Variants in ARHGAP29 observed in about 807,000 individuals in gnomAD.
ARHGAP29 encodes the protein Rho GTPase activating protein 29.
A neutral mutation model predicts 122.6 loss-of-function variants in ARHGAP29; 43 were observed. The observed-to-expected ratio is 0.35, with a 90% confidence interval of 0.27 to 0.45. The LOEUF (loss-of-function observed/expected upper bound fraction) is 0.45. Ranked by LOEUF, ARHGAP29 falls within the 20% of genes least tolerant of loss-of-function variation. ARHGAP29 has a pLI of 1.00. For synonymous variants in ARHGAP29, 506 were observed against 497.1 expected (o/e 1.02, Z -0.24); for missense variants, 1,303 against 1,477.2 (o/e 0.88, Z 1.93).
In ARHGAP29 at chr1:94,174,161, G is replaced by A. The variant is rs190842488; in HGVS notation, c.3494C>T (p.Thr1165Ile). The A allele has an allele frequency of 2.5e-6, 4 of 1,614,156 alleles. No individual in the cohort carries two copies. The Admixed American group carries it at 6.7e-5, about 27-fold the overall frequency. The change falls in exon 23 of 23, where the codon ACA (threonine) becomes ATA (isoleucine). Residue 1165 changes from threonine (T) to isoleucine (I), a missense_variant. This residue lies in a region of ARHGAP29 where 620 missense variants were observed against 651.2 expected (regional missense o/e 0.95). Coordinates refer to ENST00000260526, the MANE Select transcript of ARHGAP29 (RefSeq NM_004815.4). ...PRTLQPQHWTTFYKPHAPIIS... is the reference protein window; with the variant it reads ...PRTLQPQHWTIFYKPHAPIIS... ...GATGGGAGCATGTGGTTTATAAAAT[G>A]TTGTCCAATGTTGAGGCTGCAGTGT...
chr1:94,180,401 ATTT>A (rs1649379080), intron 19 of ARHGAP29, among the ~76,000 whole-genome samples: 1 of 152,234 alleles, frequency 6.6e-6, no homozygotes, highest in South Asian at 2.1e-4. Flanking sequence ...CACTGTTAAC[ATTT>A]TATTTATCTA....
At chr1:94,196,949 A>G (rs1472732327) in intron 12 of ARHGAP29, among the ~76,000 whole-genome samples, 3 of 152,218 alleles carry the variant, frequency 2.0e-5, no homozygotes, top group African/African-American at 7.2e-5. Flanking sequence ...CTCAATAAAC[A>G]ACATAAGCTT....
intron 12 of ARHGAP29, chr1:94,192,056 A>G (rs1316459574): frequency 6.6e-6 from 1 of 152,206 alleles, no homozygotes; most frequent in Non-Finnish European, 1.5e-5. Context: ...CCTGGATTTT[A>G]TAATTCTTTT....
chr1:94,285,873 CAAAAAAAAAAAA>C, the ARHGAP29 span, among the ~76,000 whole-genome samples: 1 of 72,640 alleles, frequency 1.4e-5, no homozygotes, highest in Non-Finnish European at 2.9e-5. Context: ...GACTCTGTCT[CAAAAAAAAAAAA>C]AAAAAGAAAA....
chr1:94,251,575 A>G (rs908277392), intron 1 of ARHGAP29, among the ~76,000 whole-genome samples: 3 of 152,102 alleles, frequency 2.0e-5, no homozygotes, highest in Admixed American at 6.5e-5. Flanking sequence ...ATATTAGGAA[A>G]TGACTCCTCT....
At chr1:94,286,549 T>C in the ARHGAP29 span, among the ~76,000 whole-genome samples, 27 of 152,054 alleles carry the variant, frequency 1.8e-4, no homozygotes, top group Non-Finnish European at 2.4e-4. Context: ...ACAACTGTAG[T>C]CCCAGCTACT....
chr1:94,285,574 G>A, the ARHGAP29 span, among the ~76,000 whole-genome samples: 7 of 152,210 alleles, frequency 4.6e-5, 1 homozygote, highest in South Asian at 1.0e-3. Context: ...ACATGAAGAA[G>A]GAGAGGGAAT....
intron 1 of ARHGAP29, among the ~76,000 whole-genome samples, chr1:94,251,171 ATTT>A (rs531839914): frequency 3.7e-5 from 5 of 134,194 alleles, no homozygotes; most frequent in African/African-American, 2.7e-5. Context: ...TATCATACCC[ATTT>A]TTTTTTTTTT....
intron 3 of ARHGAP29, among the ~76,000 whole-genome samples, chr1:94,217,371 T>C (rs991781498): frequency 6.6e-6 from 1 of 151,882 alleles, no homozygotes; most frequent in Non-Finnish European, 1.5e-5. Flanking sequence ...TCATCTCTAC[T>C]AAAAATACAA....
Position 94,205,661 on chromosome 1 carries a change from T to C in ARHGAP29, c.533A>G (p.Glu178Gly). ...ETKSFENVSV[E>G]SVDSSSEKGN... ...TTTTTCACTGGATGAGTCCACTGAT[T>C]CCACAGAAACATTTTCAAACGACTT... The change falls in exon 6 of 23, where the codon GAA becomes GGA. Residue 178 changes from glutamate (E) to glycine (G), a missense_variant. By Grantham distance (98) the Glu-to-Gly change is moderately conservative. Around this residue, in one of 3 missense-constraint regions of ARHGAP29, gnomAD observed 592 missense variants for 648.2 expected, o/e 0.91. Transcript: ENST00000260526. 6.2e-7 allele frequency: 1 copy of C among 1,612,656 alleles called. No homozygotes were observed.
chr1:94,190,346 C>G (rs1650061152), intron 12 of ARHGAP29: 1 of 312,570 alleles, frequency 3.2e-6, no homozygotes, highest in Admixed American at 4.6e-5. Flanking sequence ...TTCAAAAACT[C>G]CATGCCCCAG....
chr1:94,212,096 T>C (rs996519913), intron 3 of ARHGAP29, among the ~76,000 whole-genome samples: 2 of 152,132 alleles, frequency 1.3e-5, no homozygotes, highest in East Asian at 3.9e-4. Flanking sequence ...CTGGCCAACA[T>C]GGCAAAACCC....
chr1:94,181,579 A>C (rs1408923399), intron 19 of ARHGAP29, among the ~76,000 whole-genome samples: 1 of 152,168 alleles, frequency 6.6e-6, no homozygotes, highest in Non-Finnish European at 1.5e-5. Context: ...AAACCTATAG[A>C]GATAGAGGCA....
At chr1:94,285,906 C>G in the ARHGAP29 span, among the ~76,000 whole-genome samples, 1 of 144,308 alleles carries the variant, frequency 6.9e-6, no homozygotes, top group African/African-American at 2.5e-5. Context: ...AAAAAAAGAA[C>G]TACATTCAAG....
the ARHGAP29 span, among the ~76,000 whole-genome samples, chr1:94,287,930 C>G: frequency 6.6e-6 from 1 of 152,134 alleles, no homozygotes. Flanking sequence ...GGGTCCAAGT[C>G]TCTGCTATTG....
chr1:94,201,673 T>A lies in ARHGAP29; in HGVS notation c.1281+47A>T, dbSNP rs185087630. 94 of 1,608,808 alleles carry A rather than the reference T, an allele frequency of 5.8e-5. No homozygotes were observed. In the African/African-American group the frequency reaches 1.0e-3, roughly 18 times the overall value. On this transcript the variant is annotated intron_variant, in intron 12 of 22. Coordinates refer to ENST00000260526, the MANE Select transcript of ARHGAP29 (RefSeq NM_004815.4). ...CAGGTGTGAGCCACCATGCCTTGCC[T>A]GATGGTCTTTTCTTCTTGCCTTCAA... is the stretch of plus-strand genomic sequence containing the variant.
chr1:94,203,374 T>C (rs1346949169), intron 8 of ARHGAP29, among the ~76,000 whole-genome samples, 164 bp from the exon 9 acceptor site: 3 of 152,166 alleles, frequency 2.0e-5, no homozygotes, highest in African/African-American at 4.8e-5. Context: ...AGAAAATTAA[T>C]TATAATTAAT....
At chr1:94,232,307 C>T (rs1652968131) in intron 1 of ARHGAP29, among the ~76,000 whole-genome samples, 2 of 152,054 alleles carry the variant, frequency 1.3e-5, no homozygotes, top group African/African-American at 4.8e-5. Context: ...GTGTCGAGAA[C>T]ATAGAAGTTC....
chr1:94,273,096 A>G (rs1315838562), intron 1 of ARHGAP29, among the ~76,000 whole-genome samples: 1 of 152,202 alleles, frequency 6.6e-6, no homozygotes, highest in Non-Finnish European at 1.5e-5. Context: ...GTAACTCCTC[A>G]GATGGATAGA....
Sources: gnomAD v4.1 joint callset for allele counts (sites outside exome capture counted in the v4.1 genomes callset) on GRCh38, gnomAD v4.1.1 for gene constraint, gnomAD v4.1.1 regional missense constraint, MANE v1.5 for transcripts, NCBI Gene and HGNC (gene_info 2026-07-23, HGNC 2026-07-21) for gene names.